The following ARK2C variants were observed in gnomAD, a reference collection of about 807,000 sequenced individuals.
ARK2C encodes arkadia (RNF111) C-terminal like ring finger ubiquitin ligase 2C.
chr18:46,341,437 CTT>C, the ARK2C span, among the ~76,000 whole-genome samples: 1 of 151,680 alleles, frequency 6.6e-6, no homozygotes, highest in African/African-American at 2.4e-5. Context: ...GGCAGGAGGT[CTT>C]TGGGGTGCTT....
the ARK2C span, chr18:46,447,804 G>A: frequency 8.0e-7 from 1 of 1,254,424 alleles, no homozygotes; most frequent in South Asian, 1.3e-5. Flanking sequence ...TGTATCCTTG[G>A]CTCCCCTGTG....
chr18:46,421,783 G>T, the ARK2C span, among the ~76,000 whole-genome samples: 2,364 of 152,274 alleles, frequency 0.016, 37 homozygotes, highest in East Asian at 0.084. Context: ...GGCAAGTAGG[G>T]TTCCTTAGGA....
chr18:46,388,094 G>C, the ARK2C span, among the ~76,000 whole-genome samples: 6 of 152,220 alleles, frequency 3.9e-5, no homozygotes, highest in Non-Finnish European at 7.3e-5. Context: ...AAAGCTGAGA[G>C]AGAGAAAGTG....
chr18:46,346,412 C>T, the ARK2C span, among the ~76,000 whole-genome samples: 4 of 150,024 alleles, frequency 2.7e-5, no homozygotes, highest in Non-Finnish European at 3.0e-5. Flanking sequence ...TTAAATCACC[C>T]GAAACAGAAA....
the ARK2C span, among the ~76,000 whole-genome samples, chr18:46,365,607 G>A: frequency 3.3e-5 from 5 of 152,302 alleles, no homozygotes; most frequent in South Asian, 2.1e-4. Context: ...GGTTTCAGGC[G>A]ATTCTCATGC....
the ARK2C span, among the ~76,000 whole-genome samples, chr18:46,381,374 G>A: frequency 6.6e-6 from 1 of 152,130 alleles, no homozygotes; most frequent in Non-Finnish European, 1.5e-5. Flanking sequence ...CTCTCTCCCC[G>A]CTTCCTGGGC....
chr18:46,344,616 C>T, the ARK2C span, among the ~76,000 whole-genome samples: 5 of 152,174 alleles, frequency 3.3e-5, no homozygotes, highest in East Asian at 1.9e-4. Context: ...CAGGGGACCT[C>T]GGCATCCACA....
chr18:46,458,680 G>A, the ARK2C span: 1 of 152,266 alleles, frequency 6.6e-6, no homozygotes, highest in Non-Finnish European at 1.5e-5. Context: ...GCAGAAAGTG[G>A]GGGAAGTGGC....
chr18:46,361,768 T>C, the ARK2C span, among the ~76,000 whole-genome samples: 177 of 152,326 alleles, frequency 1.2e-3, 4 homozygotes, highest in East Asian at 0.029. Flanking sequence ...CTGCTGCAGG[T>C]CACCACCCAT....
At chr18:46,334,438 C>A in the ARK2C span, 2 of 995,736 alleles carry the variant, frequency 2.0e-6, no homozygotes, top group African/African-American at 1.7e-5. This position sits in a 1 kb window ranked among gnomAD's most constrained non-coding sequence, Gnocchi z 4.4. Context: ...GGCACACCCG[C>A]GAGGACGCAG....
the ARK2C span, chr18:46,335,717 A>G: frequency 2.1e-5 from 4 of 193,454 alleles, no homozygotes; most frequent in Non-Finnish European, 3.8e-5. Context: ...CAAGAAAAGG[A>G]AAGCCCAGCC....
the ARK2C span, among the ~76,000 whole-genome samples, chr18:46,348,543 C>A: frequency 1.3e-5 from 2 of 152,100 alleles, no homozygotes; most frequent in Admixed American, 1.3e-4. Flanking sequence ...GTACCATGGG[C>A]TACTGCTGGG....
At chr18:46,361,929 G>A in the ARK2C span, among the ~76,000 whole-genome samples, 5 of 152,340 alleles carry the variant, frequency 3.3e-5, no homozygotes, top group South Asian at 4.1e-4. Context: ...TTCATGCCCC[G>A]TTTCCCCACT....
At chr18:46,378,570 T>A in the ARK2C span, among the ~76,000 whole-genome samples, 11 of 152,168 alleles carry the variant, frequency 7.2e-5, no homozygotes, top group Non-Finnish European at 1.2e-4. Flanking sequence ...TGATGTATGG[T>A]CCAATTGTTC....
chr18:46,377,528 G>C, the ARK2C span, among the ~76,000 whole-genome samples: 1 of 152,190 alleles, frequency 6.6e-6, no homozygotes, highest in Non-Finnish European at 1.5e-5. Flanking sequence ...AGCAGTGTGG[G>C]AGATGTGACC....
the ARK2C span, among the ~76,000 whole-genome samples, chr18:46,380,123 C>T: frequency 7.2e-5 from 11 of 152,222 alleles, no homozygotes; most frequent in Non-Finnish European, 8.8e-5. Context: ...GCAGGGGCCT[C>T]GAACCTCTGC....
chr18:46,354,690 T>C, the ARK2C span, among the ~76,000 whole-genome samples: 1 of 152,230 alleles, frequency 6.6e-6, no homozygotes, highest in Non-Finnish European at 1.5e-5. Flanking sequence ...GGGATGCGCC[T>C]TATAAATGAC....
chr18:46,390,979 A>T, the ARK2C span, among the ~76,000 whole-genome samples: 1 of 152,192 alleles, frequency 6.6e-6, no homozygotes, highest in Non-Finnish European at 1.5e-5. Context: ...TGTCATTGGG[A>T]TTCTTGAAAA....
chr18:46,432,228 C>T, the ARK2C span, among the ~76,000 whole-genome samples: 2 of 152,214 alleles, frequency 1.3e-5, no homozygotes, highest in East Asian at 3.8e-4. Context: ...GTTTTCTTGT[C>T]ATCAAGCTCA....
Sources: gnomAD v4.1 joint callset for allele counts (sites outside exome capture counted in the v4.1 genomes callset) on GRCh38, gnomAD v4.1.1 for gene constraint, Gnocchi (gnomAD v3.1) non-coding constraint, MANE v1.5 for transcripts, NCBI Gene and HGNC (gene_info 2026-07-23, HGNC 2026-07-21) for gene names.